The following PCED1B variants were observed in gnomAD, a reference collection of about 807,000 sequenced individuals.
PCED1B encodes the protein PC-esterase domain containing 1B.
For missense variants in PCED1B, 573 were observed against 573.9 expected (o/e 1.00, Z 0.02); for synonymous variants, 251 against 246.1 (o/e 1.02, Z -0.19).
At chr12:47,117,176 T>C (rs1333774866) in intron 2 of PCED1B, among the ~76,000 whole-genome samples, 1 of 152,180 alleles carries the variant, frequency 6.6e-6, no homozygotes, top group Non-Finnish European at 1.5e-5. Flanking sequence ...TTCATCCCTG[T>C]TGTAACATGT....
At chr12:47,188,106 A>G (rs1362693011) in intron 2 of PCED1B, among the ~76,000 whole-genome samples, 1 of 152,110 alleles carries the variant, frequency 6.6e-6, no homozygotes, top group Non-Finnish European at 1.5e-5. Context: ...CTGTCATGGC[A>G]CCATAGCATT....
intron 2 of PCED1B, among the ~76,000 whole-genome samples, chr12:47,215,074 G>C (rs972962192): frequency 4.6e-5 from 7 of 151,222 alleles, no homozygotes; most frequent in African/African-American, 1.5e-4. Context: ...TCATGCACTG[G>C]GACCTTCTGT....
chr12:47,206,584 G>T (rs1942917740), intron 2 of PCED1B: 1 of 152,246 alleles, frequency 6.6e-6, no homozygotes, highest in Admixed American at 6.5e-5. Flanking sequence ...TAATTCCTCA[G>T]CCTGCTGGGG....
intron 1 of PCED1B, among the ~76,000 whole-genome samples, chr12:47,097,405 A>C (rs914582869): frequency 9.2e-5 from 14 of 152,170 alleles, no homozygotes; most frequent in African/African-American, 3.1e-4. Flanking sequence ...GAGTTTCCTC[A>C]TGACTGGAAG....
At chr12:47,221,483 T>C (rs1024371906) in intron 3 of PCED1B, among the ~76,000 whole-genome samples, 2 of 151,800 alleles carry the variant, frequency 1.3e-5, no homozygotes, top group Non-Finnish European at 2.9e-5. Context: ...CCCGCCAACA[T>C]GAAAATTTTT....
At chr12:47,154,630 G>A (rs1383652892) in intron 2 of PCED1B, among the ~76,000 whole-genome samples, 1 of 152,084 alleles carries the variant, frequency 6.6e-6, no homozygotes, top group African/African-American at 2.4e-5. Context: ...GTAAATGTAT[G>A]TGTGTGGATC....
intron 2 of PCED1B, among the ~76,000 whole-genome samples, chr12:47,183,724 T>A (rs1449282096): frequency 1.3e-5 from 2 of 152,236 alleles, no homozygotes; most frequent in African/African-American, 4.8e-5. Context: ...ATTGCATATT[T>A]TTGCTCAGCC....
At position 47,166,922 on chromosome 12, in the gene PCED1B, A is replaced by G. The variant is rs537392303; in HGVS notation, c.-525-49300A>G. Reference sequence around the variant, plus strand: ...CTACATACGTAACACCAGAGTTTATAAAGAAAAATGTTCCTCAAGGAGGCA... The same window carrying G: ...CTACATACGTAACACCAGAGTTTATGAAGAAAAATGTTCCTCAAGGAGGCA... On this transcript the variant is annotated intron_variant, in intron 2 of 3. Transcript: ENST00000546455. Among the ~76,000 whole-genome samples, 52 of 152,332 alleles carry G rather than the reference A, an allele frequency of 3.4e-4. 1 individual carries two copies. Among genetic ancestry groups the G allele is most frequent in the African/African-American group, 1.1e-3 (45 of 41,584 alleles).
In PCED1B at chr12:47,236,374, C is replaced by T; in HGVS notation, c.*12C>T. On this transcript the variant is annotated 3_prime_UTR_variant, in exon 4 of 4. Transcript: ENST00000546455. ...CAAGGCCTCAATAGACGGACCTAGG[C>T]CTTATTTCCTCTTTATGAACATGGA... 6.5e-7 allele frequency: 1 copy of T among 1,540,024 alleles called. No homozygotes were observed. Among genetic ancestry groups the T allele is most frequent in the Non-Finnish European group, 8.7e-7 (1 of 1,145,934 alleles).
chr12:47,178,758 T>G (rs889115113), intron 2 of PCED1B, among the ~76,000 whole-genome samples: 7 of 150,518 alleles, frequency 4.7e-5, no homozygotes, highest in Non-Finnish European at 1.0e-4. Flanking sequence ...TCCCAGCTAC[T>G]CAGGAGGCTG....
chr12:47,175,551 A>AGTATGTATGTATGTAT (rs34227779), intron 2 of PCED1B, among the ~76,000 whole-genome samples: 5 of 151,340 alleles, frequency 3.3e-5, no homozygotes, highest in East Asian at 1.9e-4. Flanking sequence ...TACTTCTTTC[A>AGTATGTATGTATGTAT]GTATGTATGT....
At chr12:47,190,486 C>T (rs1231581862) in intron 2 of PCED1B, among the ~76,000 whole-genome samples, 2 of 152,234 alleles carry the variant, frequency 1.3e-5, no homozygotes, top group South Asian at 2.1e-4. Flanking sequence ...TCTCAATTCC[C>T]TTTGTACGAG....
At chr12:47,171,888 T>TTCTTCTTCC (rs1177701902) in intron 2 of PCED1B, among the ~76,000 whole-genome samples, 1 of 148,804 alleles carries the variant, frequency 6.7e-6, no homozygotes, top group South Asian at 2.1e-4. Flanking sequence ...TTTCTTCTTC[T>TTCTTCTTCC]TCTTCTTCCT....
At chr12:47,140,881 C>CA (rs1565772986) in intron 2 of PCED1B, among the ~76,000 whole-genome samples, 1 of 152,128 alleles carries the variant, frequency 6.6e-6, no homozygotes, top group Non-Finnish European at 1.5e-5. Flanking sequence ...CTGAGCAAAA[C>CA]AAAACAAAAC....
At chr12:47,153,072 G>C (rs957369654) in intron 2 of PCED1B, among the ~76,000 whole-genome samples, 7 of 152,148 alleles carry the variant, frequency 4.6e-5, no homozygotes, top group South Asian at 4.1e-4. Flanking sequence ...AATTCAGGCC[G>C]GGCACAGTGG....
chr12:47,146,537 C>G (rs1940790895), intron 2 of PCED1B, among the ~76,000 whole-genome samples: 1 of 152,032 alleles, frequency 6.6e-6, no homozygotes, highest in Non-Finnish European at 1.5e-5. Flanking sequence ...AAGAAATTGC[C>G]ACAACCACCC....
intron 3 of PCED1B, among the ~76,000 whole-genome samples, chr12:47,232,612 G>A (rs1268165349): frequency 2.0e-5 from 3 of 151,492 alleles, no homozygotes; most frequent in African/African-American, 7.3e-5. Flanking sequence ...TGGATGCCAT[G>A]TTCCTCCCAT....
chr12:47,102,634 G>A (rs770763683), intron 1 of PCED1B, among the ~76,000 whole-genome samples: 4 of 152,114 alleles, frequency 2.6e-5, no homozygotes, highest in Admixed American at 6.6e-5. Context: ...GCCTTCCTTG[G>A]GTTTGAGTTA....
intron 3 of PCED1B, among the ~76,000 whole-genome samples, chr12:47,220,052 A>G (rs1037318152): frequency 1.4e-5 from 2 of 140,440 alleles, no homozygotes; most frequent in Non-Finnish European, 3.1e-5. Flanking sequence ...CCAGGTGACC[A>G]AGGGAGACAC....
Sources: gnomAD v4.1 joint callset for allele counts (sites outside exome capture counted in the v4.1 genomes callset) on GRCh38, gnomAD v4.1.1 for gene constraint, MANE v1.5 for transcripts, NCBI Gene and HGNC (gene_info 2026-07-23, HGNC 2026-07-21) for gene names.